Variants in ZFHX3 observed in about 807,000 individuals in gnomAD.
ZFHX3 encodes zinc finger homeobox protein 3.
In ZFHX3, 42 loss-of-function variants were observed where a neutral mutation model predicts 279.1. The observed-to-expected ratio is 0.15, with a 90% CI of 0.12 to 0.19. ZFHX3 has a LOEUF of 0.19. Among genes scored for constraint, ZFHX3 ranks in the 10% least tolerant of loss-of-function variants. The pLI, the probability that ZFHX3 is intolerant of heterozygous loss-of-function variation, is 1.00. For missense variants in ZFHX3, 4,981 were observed against 4,754.0 expected (o/e 1.05, Z -1.40); for synonymous variants, 2,293 against 1,957.8 (o/e 1.17, Z -4.52).
At chr16:73,055,261 C>T (rs1401994965) in intron 1 of ZFHX3, among the ~76,000 whole-genome samples, 1 of 151,770 alleles carries the variant, frequency 6.6e-6, no homozygotes, top group Non-Finnish European at 1.5e-5. Context: ...TTTTTTTCTC[C>T]CCCTCCTCCC....
chr16:73,168,792 G>C (rs1967453873), intron 5 of ZFHX3, among the ~76,000 whole-genome samples: 1 of 152,132 alleles, frequency 6.6e-6, no homozygotes, highest in Non-Finnish European at 1.5e-5. Flanking sequence ...TGCCCTCTGG[G>C]TTTCAGCAAT....
intron 8 of ZFHX3, 151 bp from the exon 9 acceptor site, chr16:72,798,865 G>A: frequency 7.3e-7 from 1 of 1,362,124 alleles, no homozygotes; most frequent in Non-Finnish European, 9.5e-7. Context: ...TCTCTGCGGA[G>A]CGCCTCCTGC....
At chr16:73,043,608 G>C (rs1942247698) in intron 1 of ZFHX3, among the ~76,000 whole-genome samples, 1 of 152,174 alleles carries the variant, frequency 6.6e-6, no homozygotes, top group South Asian at 2.1e-4. Context: ...TCACTGCCTA[G>C]ACCACGGCCT....
At chr16:73,707,013 G>T (rs1476789851) in intron 1 of ZFHX3, among the ~76,000 whole-genome samples, 3 of 152,246 alleles carry the variant, frequency 2.0e-5, no homozygotes, top group South Asian at 2.1e-4. Context: ...CAAAGAAGCT[G>T]GATAAAACTA....
chr16:73,686,308 C>T (rs1285487904), intron 1 of ZFHX3, among the ~76,000 whole-genome samples: 1 of 152,090 alleles, frequency 6.6e-6, no homozygotes, highest in Admixed American at 6.6e-5. Flanking sequence ...ATTGTTCAGG[C>T]TGGTCTTGAA....
rs75847751 is a variant in ZFHX3, at chr16:73,714,972, C to G, written c.-1607-34732G>C. ...TCGGATAAAGTCCGGGTCTCTCTCTCTCTGAGAATCGTTCATTGCCTTTTA... is the reference window on the plus strand; with the variant it reads ...TCGGATAAAGTCCGGGTCTCTCTCTGTCTGAGAATCGTTCATTGCCTTTTA... On this transcript the variant is annotated intron_variant, in intron 1 of 17. Transcript: ENST00000641206. Among the ~76,000 whole-genome samples the G allele has an allele frequency of 8.6e-3, 1,314 of 152,328 alleles. 22 individuals are homozygous for G. The highest frequency in any genetic ancestry group is 0.03 in the African/African-American group (1,259 of 41,582).
chr16:72,832,206 C>G (rs1292772201), intron 4 of ZFHX3, among the ~76,000 whole-genome samples: 1 of 152,170 alleles, frequency 6.6e-6, no homozygotes, highest in African/African-American at 2.4e-5. Context: ...CAGCAGAGCA[C>G]TAAAAACTCA....
chr16:73,466,026 G>A (rs1033714282), intron 2 of ZFHX3, among the ~76,000 whole-genome samples: 3 of 151,476 alleles, frequency 2.0e-5, no homozygotes, highest in Non-Finnish European at 4.4e-5. Flanking sequence ...ACACAAGAAT[G>A]TCGGTGAACC....
intron 4 of ZFHX3, among the ~76,000 whole-genome samples, chr16:73,283,514 G>A (rs1451348230): frequency 1.3e-5 from 2 of 152,108 alleles, no homozygotes; most frequent in Admixed American, 1.3e-4. Context: ...CGCTACTGGG[G>A]GGACTATCAA....
At chr16:73,770,448 T>G (rs1383627963) in intron 1 of ZFHX3, among the ~76,000 whole-genome samples, 1 of 152,206 alleles carries the variant, frequency 6.6e-6, no homozygotes, top group Non-Finnish European at 1.5e-5. Context: ...CTTAAACCAC[T>G]ATGCTTATGG....
At chr16:72,917,575 T>C (rs908661726) in intron 3 of ZFHX3, among the ~76,000 whole-genome samples, 3 of 152,242 alleles carry the variant, frequency 2.0e-5, no homozygotes, top group African/African-American at 4.8e-5. Flanking sequence ...AATCATGTTG[T>C]AGAAAACATC....
chr16:73,703,318 C>T (rs2053269260), intron 1 of ZFHX3, among the ~76,000 whole-genome samples: 1 of 151,988 alleles, frequency 6.6e-6, no homozygotes, highest in Admixed American at 6.6e-5. Flanking sequence ...AAGAAAGGGC[C>T]TCCCTAGGCA....
intron 5 of ZFHX3, among the ~76,000 whole-genome samples, chr16:73,204,241 T>G (rs891551787): frequency 6.6e-6 from 1 of 151,492 alleles, no homozygotes; most frequent in African/African-American, 2.4e-5. Flanking sequence ...TTACATTTAC[T>G]GTGCACTTTA....
At chr16:72,976,992 C>G (rs533921162) in intron 1 of ZFHX3, among the ~76,000 whole-genome samples, 2 of 152,286 alleles carry the variant, frequency 1.3e-5, no homozygotes, top group Admixed American at 1.3e-4. Context: ...TCCTGACAGC[C>G]CAACATGTTT....
At chr16:73,031,718 A>G in intron 1 of ZFHX3, among the ~76,000 whole-genome samples, 1 of 152,212 alleles carries the variant, frequency 6.6e-6, no homozygotes, top group Middle Eastern at 3.2e-3. Flanking sequence ...TGCATGAACC[A>G]GAACGCGGGC....
chr16:73,182,655 A>T (rs1967823232), intron 5 of ZFHX3, among the ~76,000 whole-genome samples: 1 of 152,236 alleles, frequency 6.6e-6, no homozygotes, highest in African/African-American at 2.4e-5. Context: ...TTATCCAATG[A>T]AGAACTGGAT....
intron 5 of ZFHX3, among the ~76,000 whole-genome samples, chr16:73,174,760 A>G (rs558542491): frequency 1.3e-5 from 2 of 151,706 alleles, no homozygotes; most frequent in Non-Finnish European, 2.9e-5. Context: ...GCTTATGCCT[A>G]TAATCCTAGC....
rs538476089 is a variant in ZFHX3, at chr16:73,636,894, G to T, written c.-1547+43286C>A. 3.9e-5 allele frequency among the ~76,000 whole-genome samples: 6 copies of T among 152,112 alleles called. No individual in the cohort carries two copies. In the South Asian group the frequency reaches 1.2e-3, roughly 32 times the overall value. On this transcript the variant is annotated intron_variant, in intron 2 of 17. Transcript: ENST00000641206. ...ATCTCTAAGTTTATTTGGGCTAGGGGTAGAATTTAATAAAATGATTTTAAA... is the reference window on the plus strand; with the variant it reads ...ATCTCTAAGTTTATTTGGGCTAGGGTTAGAATTTAATAAAATGATTTTAAA...
At chr16:73,399,093 G>T (rs1324235863) in intron 3 of ZFHX3, among the ~76,000 whole-genome samples, 3 of 149,970 alleles carry the variant, frequency 2.0e-5, no homozygotes, top group Non-Finnish European at 4.4e-5. Flanking sequence ...GGCCAGGCCA[G>T]TCTCGAACTC....
Sources: gnomAD v4.1 joint callset for allele counts (sites outside exome capture counted in the v4.1 genomes callset) on GRCh38, gnomAD v4.1.1 for gene constraint, MANE v1.5 for transcripts, NCBI Gene and HGNC (gene_info 2026-07-23, HGNC 2026-07-21) for gene names.